The following EHMT1 variants were observed in gnomAD, a reference collection of about 807,000 sequenced individuals.
EHMT1 encodes euchromatic histone lysine methyltransferase 1.
In EHMT1, 15 loss-of-function variants were observed where a neutral mutation model predicts 147.2. The observed-to-expected ratio is 0.10, with a 90% confidence interval of 0.07 to 0.16. EHMT1 has a LOEUF of 0.16. Among genes scored for constraint, EHMT1 ranks in the 10% least tolerant of loss-of-function variants. The probability of loss-of-function intolerance (pLI) is 1.00; values close to 1 mark genes in which losing one functional copy is unlikely to be tolerated. For synonymous variants in EHMT1, 795 were observed against 709.6 expected (o/e 1.12, Z -1.91); for missense variants, 1,587 against 1,772.4 (o/e 0.90, Z 1.88).
chr9:137,810,515 T>C (rs557616769), intron 18 of EHMT1, among the ~76,000 whole-genome samples: 2 of 152,388 alleles, frequency 1.3e-5, no homozygotes, highest in Admixed American at 6.5e-5. Context: ...CATTTTCTTA[T>C]GTTTACCGTT....
chr9:137,739,756 C>T (rs986958108), intron 4 of EHMT1, among the ~76,000 whole-genome samples: 2 of 152,208 alleles, frequency 1.3e-5, no homozygotes, highest in African/African-American at 4.8e-5. Context: ...GAGTGGAGGC[C>T]CTGCCTTTTG....
At chr9:137,699,245 AAAGTT>A (rs1943642591) in intron 1 of EHMT1, among the ~76,000 whole-genome samples, 1 of 152,272 alleles carries the variant, frequency 6.6e-6, no homozygotes, top group Admixed American at 6.5e-5. Context: ...CTAATGTAGT[AAAGTT>A]AAGGTTAACT....
chr9:137,814,881 C>A, intron 22 of EHMT1: 1 of 405,266 alleles, frequency 2.5e-6, no homozygotes, highest in Non-Finnish European at 4.7e-6. Context: ...AGGGTGCTGC[C>A]GGGCTGGGTA....
At position 137,813,267 on chromosome 9, in the gene EHMT1, C is replaced by T. The variant is rs572788954; in HGVS notation, c.3035+94C>T. The stretch of plus-strand genomic sequence containing the variant: ...AAGCTGCTCCTGAAGCCGAAACATC[C>T]CCAGGCTGCAGTCCAAATTGTCAGG... On this transcript the variant is annotated intron_variant, in intron 20 of 26. Coordinates refer to ENST00000460843, the MANE Select transcript of EHMT1 (RefSeq NM_024757.5). The surrounding 1 kb of genome is among the most constrained non-coding windows in gnomAD (Gnocchi z 4.9). The T allele has an allele frequency of 6.4e-7, 1 of 1,560,922 alleles. No homozygotes were observed. The highest frequency in any genetic ancestry group is 1.9e-5 in the Admixed American group (1 of 53,396).
chr9:137,813,325 T>C lies in EHMT1; in HGVS notation c.3036-61T>C. The C allele has an allele frequency of 6.3e-7, 1 of 1,578,830 alleles. No individual in the cohort carries two copies. Among genetic ancestry groups the C allele is most frequent in the East Asian group, 2.3e-5 (1 of 43,094 alleles). ...GTTTGCCAGCCGCCCCACTGCACGC[T>C]GTGCCACCCCCTGGGCAGAGCACGT... On this transcript the variant is annotated intron_variant, in intron 20 of 26. Coordinates refer to ENST00000460843, the MANE Select transcript of EHMT1 (RefSeq NM_024757.5). This position sits in a 1 kb window ranked among gnomAD's most constrained non-coding sequence, Gnocchi z 4.9.
At chr9:137,723,421 G>C (rs1238176663) in intron 3 of EHMT1, among the ~76,000 whole-genome samples, 1 of 131,102 alleles carries the variant, frequency 7.6e-6, no homozygotes. Context: ...TGTGTCTGTG[G>C]TTCTGGGCCT....
At chr9:137,803,139 G>A in intron 18 of EHMT1, 1 of 1,228,286 alleles carries the variant, frequency 8.1e-7, no homozygotes, top group East Asian at 3.2e-5. Context: ...GCTCTCTGAT[G>A]CTGGTGGCTG....
chr9:137,758,839 C>G (rs1949578496), intron 9 of EHMT1, among the ~76,000 whole-genome samples: 1 of 152,106 alleles, frequency 6.6e-6, no homozygotes, highest in Non-Finnish European at 1.5e-5. Context: ...AAATCTTAGG[C>G]TAGTCCGGCT....
intron 1 of EHMT1, among the ~76,000 whole-genome samples, 165 bp downstream of exon 1, chr9:137,619,214 C>G (rs1842793713): frequency 7.1e-6 from 1 of 140,770 alleles, no homozygotes; most frequent in African/African-American, 2.5e-5. Flanking sequence ...CAGGCCGAGG[C>G]CGGGCCGAGG....
At position 137,738,039 on chromosome 9, in the gene EHMT1, CAA is replaced by C. The variant is rs1947699816; in HGVS notation, c.824-5329_824-5328del. Among the ~76,000 whole-genome samples, 4 of 152,114 alleles carry C rather than the reference CAA, an allele frequency of 2.6e-5. No homozygotes were observed. In the South Asian group the frequency reaches 8.3e-4, roughly 32 times the overall value. On this transcript the variant is annotated intron_variant, in intron 4 of 26. Transcript: ENST00000460843. Reference sequence around the variant, plus strand: ...TGAAACCCCATCTCTACTACAAATACAAAAGTTAGCTGGGCATAGTGGTGCAT... The same window carrying C: ...TGAAACCCCATCTCTACTACAAATACAAGTTAGCTGGGCATAGTGGTGCAT...
chr9:137,681,386 C>A (rs1197134774), intron 1 of EHMT1, among the ~76,000 whole-genome samples: 1 of 152,140 alleles, frequency 6.6e-6, no homozygotes, highest in Non-Finnish European at 1.5e-5. Flanking sequence ...ATTACACATC[C>A]CACAAATTCT....
At chr9:137,661,610 C>T (rs1212852945) in intron 1 of EHMT1, among the ~76,000 whole-genome samples, 2 of 151,608 alleles carry the variant, frequency 1.3e-5, no homozygotes, top group African/African-American at 4.9e-5. Flanking sequence ...CTCAGCCTCC[C>T]GAGTAGCTGG....
At chr9:137,778,673 A>G (rs1475105948) in intron 13 of EHMT1, among the ~76,000 whole-genome samples, 1 of 152,024 alleles carries the variant, frequency 6.6e-6, no homozygotes, top group Non-Finnish European at 1.5e-5. Context: ...CCTGACCCAC[A>G]GGCTCTGCTC....
At chr9:137,729,724 C>G (rs538498153) in intron 4 of EHMT1, among the ~76,000 whole-genome samples, 1 of 151,956 alleles carries the variant, frequency 6.6e-6, no homozygotes, top group Non-Finnish European at 1.5e-5. Flanking sequence ...CCATGTATTA[C>G]TTTTTTTTCT....
chr9:137,714,648 G>C (rs931727391), intron 2 of EHMT1, among the ~76,000 whole-genome samples: 1 of 150,814 alleles, frequency 6.6e-6, no homozygotes, highest in Non-Finnish European at 1.5e-5. Flanking sequence ...GACCTCCTGG[G>C]CTCAAGCGAC....
intron 18 of EHMT1, among the ~76,000 whole-genome samples, chr9:137,805,225 A>G (rs1478607286): frequency 1.3e-5 from 2 of 151,970 alleles, no homozygotes; most frequent in Admixed American, 6.5e-5. Context: ...TCAGTCGTCC[A>G]TGTGTCAGTC....
chr9:137,805,953 G>T (rs1588815364), intron 18 of EHMT1, among the ~76,000 whole-genome samples: 1 of 151,140 alleles, frequency 6.6e-6, no homozygotes, highest in East Asian at 1.9e-4. Flanking sequence ...GAGCGACTGT[G>T]CCCGGCCTGG....
intron 1 of EHMT1, among the ~76,000 whole-genome samples, chr9:137,694,878 C>T (rs886169640): frequency 6.6e-6 from 1 of 152,184 alleles, no homozygotes. Context: ...ATTGTACTCT[C>T]GGTCTTGAAG....
chr9:137,783,460 C>G lies in EHMT1; in HGVS notation c.2382+1063C>G, dbSNP rs1488789239. Among the ~76,000 whole-genome samples, 6 of 152,314 alleles carry G rather than the reference C, an allele frequency of 3.9e-5. 1 individual carries two copies. In the South Asian group the frequency reaches 1.0e-3, roughly 26 times the overall value. ...TCTTTCAGTAGCCTCTTTTTCTTCC[C>G]TTATTTCTCTGATGGTATTATGGTT... On this transcript the variant is annotated intron_variant, in intron 15 of 26. Coordinates refer to ENST00000460843, the MANE Select transcript of EHMT1 (RefSeq NM_024757.5).
Sources: allele counts gnomAD v4.1 joint callset (sites outside exome capture counted in the v4.1 genomes callset), GRCh38; gene constraint gnomAD v4.1.1; non-coding constraint Gnocchi (gnomAD v3.1); transcripts MANE v1.5; gene names NCBI Gene and HGNC (gene_info 2026-07-23, HGNC 2026-07-21).